The following PTPRD variants were observed in gnomAD, a reference collection of about 807,000 sequenced individuals.
PTPRD encodes the protein receptor-type tyrosine-protein phosphatase delta.
A neutral mutation model predicts 214.5 loss-of-function variants in PTPRD; 34 were observed. The ratio of observed to expected loss-of-function variants is 0.16; its 90% CI spans 0.12 to 0.21. The LOEUF (loss-of-function observed/expected upper bound fraction) is 0.21, where lower values mean the gene tolerates loss of function less well. Ranked by LOEUF, PTPRD falls within the 10% of genes least tolerant of loss-of-function variation. PTPRD has a pLI of 1.00. For synonymous variants in PTPRD, 1,128 were observed against 845.7 expected (o/e 1.33, Z -5.79); for missense variants, 2,545 against 2,398.7 (o/e 1.06, Z -1.27).
At chr9:9,509,532 C>G (rs2096649590) in intron 8 of PTPRD, among the ~76,000 whole-genome samples, 2 of 151,468 alleles carry the variant, frequency 1.3e-5, no homozygotes, top group Admixed American at 1.3e-4. Context: ...ACTCTTCTTC[C>G]TTAGCCCTCC....
intron 5 of PTPRD, among the ~76,000 whole-genome samples, chr9:9,781,108 G>T (rs1477637974): frequency 6.6e-6 from 1 of 152,118 alleles, no homozygotes; most frequent in African/African-American, 2.4e-5. Context: ...TGCTTTCATG[G>T]TGGACATTAG....
chr9:9,181,539 G>C (rs555189624), intron 10 of PTPRD, among the ~76,000 whole-genome samples: 2 of 151,984 alleles, frequency 1.3e-5, no homozygotes, highest in South Asian at 4.2e-4. Flanking sequence ...GTGTCAAATA[G>C]TATTCACCAA....
At chr9:10,392,480 T>A (rs1029871853) in intron 2 of PTPRD, among the ~76,000 whole-genome samples, 3 of 151,902 alleles carry the variant, frequency 2.0e-5, no homozygotes, top group African/African-American at 7.2e-5. Flanking sequence ...TTATGTAACA[T>A]CATTCCTTAT....
At chr9:10,270,032 A>G (rs997700547) in intron 3 of PTPRD, among the ~76,000 whole-genome samples, 10 of 152,108 alleles carry the variant, frequency 6.6e-5, no homozygotes, top group African/African-American at 2.4e-4. Context: ...GGCGCTACAT[A>G]ATTAGCTGAT....
At chr9:10,241,164 A>T (rs531635741) in intron 3 of PTPRD, among the ~76,000 whole-genome samples, 47 of 152,054 alleles carry the variant, frequency 3.1e-4, no homozygotes, top group African/African-American at 1.1e-3. Flanking sequence ...CTCTGTACTG[A>T]TTACATTTGT....
chr9:10,116,582 A>T (rs2098732737), intron 3 of PTPRD, among the ~76,000 whole-genome samples: 1 of 152,112 alleles, frequency 6.6e-6, no homozygotes, highest in Admixed American at 6.6e-5. Context: ...GATATAGATT[A>T]CTTTGTACTC....
chr9:10,210,810 T>G (rs1310265955), intron 3 of PTPRD, among the ~76,000 whole-genome samples: 1 of 96,514 alleles, frequency 1.0e-5, no homozygotes, highest in Non-Finnish European at 2.0e-5. Flanking sequence ...TATATATATA[T>G]ATATATATAT....
intron 11 of PTPRD, among the ~76,000 whole-genome samples, chr9:8,999,829 C>T (rs1283086496): frequency 6.6e-6 from 1 of 151,940 alleles, no homozygotes; most frequent in Non-Finnish European, 1.5e-5. Context: ...ATTTTGATGA[C>T]CGCAGTCTGT....
intron 11 of PTPRD, among the ~76,000 whole-genome samples, chr9:8,822,497 A>T (rs1025616041): frequency 1.3e-5 from 2 of 152,212 alleles, no homozygotes; most frequent in Admixed American, 6.5e-5. Flanking sequence ...TTACATTTAT[A>T]CCTTGGTTGG....
intron 5 of PTPRD, among the ~76,000 whole-genome samples, chr9:9,819,753 G>C (rs1281261531): frequency 1.3e-5 from 2 of 152,114 alleles, no homozygotes; most frequent in Admixed American, 1.3e-4. Context: ...TTATGAGTGA[G>C]AACATGTTCC....
chr9:9,628,528 C>G (rs941757390), intron 7 of PTPRD, among the ~76,000 whole-genome samples: 11 of 152,132 alleles, frequency 7.2e-5, no homozygotes, highest in African/African-American at 2.7e-4. Context: ...CACAGAGTTC[C>G]TAGAACAGCT....
intron 11 of PTPRD, among the ~76,000 whole-genome samples, chr9:8,934,500 T>TATATAA (rs1306266074): frequency 3.6e-5 from 1 of 27,562 alleles, no homozygotes; most frequent in African/African-American, 1.5e-4. Context: ...TATAAATATA[T>TATATAA]ATATAAATAT....
intron 10 of PTPRD, among the ~76,000 whole-genome samples, chr9:9,084,528 T>A (rs2099764160): frequency 6.6e-6 from 1 of 152,296 alleles, no homozygotes. Flanking sequence ...GTTTTGCACA[T>A]GTATCCCAGA....
intron 5 of PTPRD, among the ~76,000 whole-genome samples, chr9:9,872,594 C>T (rs934659118): frequency 2.0e-5 from 3 of 152,086 alleles, no homozygotes; most frequent in African/African-American, 7.2e-5. Context: ...TGTGTCAAAA[C>T]AACCACCACC....
chr9:9,043,147 A>G (rs1373494822), intron 10 of PTPRD, among the ~76,000 whole-genome samples: 2 of 152,180 alleles, frequency 1.3e-5, no homozygotes, highest in Admixed American at 1.3e-4. Context: ...TCTGTGGCTC[A>G]CAACAAAGAT....
At chr9:10,267,942 G>C (rs1379663644) in intron 3 of PTPRD, among the ~76,000 whole-genome samples, 1 of 151,954 alleles carries the variant, frequency 6.6e-6, no homozygotes, top group Non-Finnish European at 1.5e-5. Flanking sequence ...TTTACTTGTA[G>C]AGAAAATTTT....
At chr9:9,071,432 T>G (rs1472885775) in intron 10 of PTPRD, among the ~76,000 whole-genome samples, 1 of 152,176 alleles carries the variant, frequency 6.6e-6, no homozygotes, top group South Asian at 2.1e-4. Flanking sequence ...GAACTAGGCC[T>G]TCTCTGAAGT....
intron 7 of PTPRD, among the ~76,000 whole-genome samples, chr9:9,605,296 T>C (rs1017625905): frequency 1.3e-5 from 2 of 152,062 alleles, no homozygotes; most frequent in Admixed American, 1.3e-4. Context: ...GAAACATGTT[T>C]AGTATATGTG....
chr9:8,548,717 G>A (rs2081078089), intron 14 of PTPRD, among the ~76,000 whole-genome samples: 1 of 105,244 alleles, frequency 9.5e-6, no homozygotes, highest in African/African-American at 4.0e-5. Context: ...TTTTTGAGAC[G>A]GAGTTTCTCT....
Sources: allele counts gnomAD v4.1 joint callset (sites outside exome capture counted in the v4.1 genomes callset), GRCh38; gene constraint gnomAD v4.1.1; transcripts MANE v1.5; gene names NCBI Gene and HGNC (gene_info 2026-07-23, HGNC 2026-07-21).